Variants in PDE1C observed in about 807,000 individuals in gnomAD.
PDE1C encodes dual specificity calcium/calmodulin-dependent 3',5'-cyclic nucleotide phosphodiesterase 1C.
In PDE1C, 62 loss-of-function variants were observed where a neutral mutation model predicts 93.1. That is an observed-to-expected ratio of 0.67 (90% CI 0.54 to 0.82). The LOEUF (loss-of-function observed/expected upper bound fraction) is 0.82, where lower values mean the gene tolerates loss of function less well. Ranked by LOEUF, PDE1C falls within the 40% of genes least tolerant of loss-of-function variation. PDE1C has a pLI of 0.00. For synonymous variants in PDE1C, 325 were observed against 310.1 expected (o/e 1.05, Z -0.50); for missense variants, 742 against 884.6 (o/e 0.84, Z 2.04).
At chr7:32,052,305 A>C in intron 1 of PDE1C, 2 of 485,608 alleles carry the variant, frequency 4.1e-6, no homozygotes, top group Non-Finnish European at 8.3e-6. Flanking sequence ...AATCTTGTGC[A>C]TCAGGCTTCT....
chr7:31,699,653 A>G, the PDE1C span, among the ~76,000 whole-genome samples: 1 of 150,802 alleles, frequency 6.6e-6, no homozygotes, highest in Admixed American at 6.6e-5. Context: ...TTTTTTTTTA[A>G]CCAAATTGGA....
intron 1 of PDE1C, among the ~76,000 whole-genome samples, chr7:32,325,182 C>G (rs114273468): frequency 0.015 from 2,273 of 152,336 alleles, 62 homozygotes; most frequent in African/African-American, 0.051. Context: ...CACCTCTTGG[C>G]TGTAGGTAAC....
At chr7:32,246,119 C>G (rs933207974) in intron 1 of PDE1C, among the ~76,000 whole-genome samples, 1 of 151,864 alleles carries the variant, frequency 6.6e-6, no homozygotes, top group African/African-American at 2.4e-5. Flanking sequence ...CAGATGTACA[C>G]CTCCACTCCC....
chr7:32,225,728 AC>A (rs555517226), intron 1 of PDE1C, among the ~76,000 whole-genome samples: 3 of 152,342 alleles, frequency 2.0e-5, no homozygotes, highest in African/African-American at 7.2e-5. Context: ...TTTTCTATTC[AC>A]TGTGAGCAAC....
intron 6 of PDE1C, among the ~76,000 whole-genome samples, chr7:31,866,473 T>C (rs1483556200): frequency 2.6e-5 from 4 of 152,088 alleles, no homozygotes; most frequent in African/African-American, 4.8e-5. Flanking sequence ...GTCTCCAGCA[T>C]CCTCTCCAGC....
intron 2 of PDE1C, among the ~76,000 whole-genome samples, chr7:32,016,459 C>T (rs1158820476): frequency 6.6e-6 from 1 of 152,168 alleles, no homozygotes; most frequent in Admixed American, 6.5e-5. Context: ...GCATTAAAAA[C>T]TTTAAATGTT....
At chr7:31,985,783 G>A (rs1163995116) in intron 2 of PDE1C, among the ~76,000 whole-genome samples, 3 of 152,174 alleles carry the variant, frequency 2.0e-5, no homozygotes, top group African/African-American at 7.2e-5. Flanking sequence ...GTATTCCATG[G>A]TGTATGTGTG....
chr7:31,686,503 T>C, the PDE1C span, among the ~76,000 whole-genome samples: 3 of 152,228 alleles, frequency 2.0e-5, no homozygotes, highest in East Asian at 1.9e-4. Context: ...CTTTCTTTGC[T>C]ATGTGCTGTT....
At chr7:31,780,597 T>C (rs944398979) in intron 16 of PDE1C, among the ~76,000 whole-genome samples, 4 of 152,234 alleles carry the variant, frequency 2.6e-5, no homozygotes, top group Non-Finnish European at 5.9e-5. Context: ...CAAACAACTA[T>C]GTCAATGCTG....
At chr7:31,789,729 G>A in intron 16 of PDE1C, 1 of 985,754 alleles carries the variant, frequency 1.0e-6, no homozygotes, top group Non-Finnish European at 1.2e-6. Flanking sequence ...AGGAACCAGA[G>A]ACTGGAATCA....
chr7:32,337,618 G>A (rs543009891), intron 1 of PDE1C, among the ~76,000 whole-genome samples: 1 of 152,178 alleles, frequency 6.6e-6, no homozygotes, highest in Admixed American at 6.5e-5. Context: ...GGGTGTGTGA[G>A]CTTAGAGTCC....
intron 2 of PDE1C, among the ~76,000 whole-genome samples, chr7:31,926,873 G>A (rs1402274073): frequency 1.3e-5 from 2 of 152,110 alleles, no homozygotes; most frequent in Non-Finnish European, 2.9e-5. Context: ...TGGTCATTTG[G>A]GCAGACACCA....
intron 3 of PDE1C, among the ~76,000 whole-genome samples, chr7:32,081,493 C>T (rs762660031): frequency 6.6e-6 from 1 of 152,160 alleles, no homozygotes; most frequent in Non-Finnish European, 1.5e-5. Context: ...GACTTATTTG[C>T]CATGGAGTTT....
intron 17 of PDE1C, among the ~76,000 whole-genome samples, chr7:31,755,526 A>G (rs1193205694): frequency 6.6e-6 from 1 of 152,098 alleles, no homozygotes; most frequent in Non-Finnish European, 1.5e-5. Flanking sequence ...CAAAATATAC[A>G]AGAAGTACCT....
the PDE1C span, among the ~76,000 whole-genome samples, chr7:31,729,715 G>A: frequency 1.3e-5 from 2 of 152,192 alleles, no homozygotes; most frequent in African/African-American, 4.8e-5. Context: ...ATCAGGGTCA[G>A]GTAATGAAGT....
chr7:31,770,872 G>A lies in PDE1C; in HGVS notation c.1960+4792C>T, dbSNP rs561987974. 7.9e-5 allele frequency among the ~76,000 whole-genome samples: 12 copies of A among 152,242 alleles called. No individual in the cohort carries two copies. The South Asian group carries it at 2.1e-3, about 26-fold the overall frequency. ...GTTCCCTCTCCATGCTATATTTGGT[G>A]TAAAGTCTTCAGGACTATCCTCCAA... On this transcript the variant is annotated intron_variant, in intron 17 of 17. Coordinates refer to ENST00000396191, the MANE Select transcript of PDE1C (RefSeq NM_001191057.4).
At chr7:32,282,664 T>G (rs1811745129) in intron 1 of PDE1C, among the ~76,000 whole-genome samples, 1 of 94 alleles carries the variant, frequency 0.011, no homozygotes, top group Non-Finnish European at 0.024. Context: ...TCACTGCAAG[T>G]CCGCCTCCTG....
At chr7:31,870,982 T>G (rs1795877559) in intron 6 of PDE1C, among the ~76,000 whole-genome samples, 1 of 151,422 alleles carries the variant, frequency 6.6e-6, no homozygotes, top group Admixed American at 6.6e-5. Context: ...AGTATATTTT[T>G]ATACTATTAG....
intron 3 of PDE1C, among the ~76,000 whole-genome samples, chr7:32,077,281 C>T (rs1796409225): frequency 1.3e-5 from 2 of 152,050 alleles, no homozygotes; most frequent in African/African-American, 2.4e-5. Flanking sequence ...ATGGCCAGTG[C>T]CTTGTACATT....
Sources: allele counts gnomAD v4.1 joint callset (sites outside exome capture counted in the v4.1 genomes callset), GRCh38; gene constraint gnomAD v4.1.1; transcripts MANE v1.5; gene names NCBI Gene and HGNC (gene_info 2026-07-23, HGNC 2026-07-21).